Variants in CENPQ observed in about 807,000 individuals in gnomAD.
CENPQ encodes centromere protein Q.
Under a neutral mutation model 36.6 loss-of-function variants are expected in CENPQ, and 27 were observed. That is an observed-to-expected ratio of 0.74 (90% CI 0.54 to 1.02). CENPQ has a LOEUF of 1.02. Ranked by LOEUF, CENPQ falls within the 50% of genes least tolerant of loss-of-function variation. CENPQ has a pLI of 0.00. For missense variants in CENPQ, 306 were observed against 301.8 expected, an observed-to-expected ratio of 1.01 and a Z score of -0.10; for synonymous variants, 101 against 101.7, an observed-to-expected ratio of 0.99 and a Z score of 0.04.
intron 6 of CENPQ, among the ~76,000 whole-genome samples, chr6:49,487,601 T>A (rs887491156): frequency 7.2e-5 from 11 of 152,180 alleles, no homozygotes; most frequent in African/African-American, 2.7e-4. Flanking sequence ...TTATTACTTA[T>A]GTATATTTTC....
chr6:49,467,630 A>G (rs569519649), intron 1 of CENPQ, among the ~76,000 whole-genome samples: 1 of 152,224 alleles, frequency 6.6e-6, no homozygotes, highest in African/African-American at 2.4e-5. Context: ...ATTACCTTCA[A>G]TTTCCACACT....
chr6:49,469,847 G>A (rs1768085067), intron 1 of CENPQ, among the ~76,000 whole-genome samples: 1 of 152,038 alleles, frequency 6.6e-6, no homozygotes, highest in Non-Finnish European at 1.5e-5. Context: ...TCATACGATA[G>A]AGTATAAAAT....
chr6:49,472,025 T>C, intron 3 of CENPQ, 38 bp from the exon 4 acceptor site: 1 of 1,565,366 alleles, frequency 6.4e-7, no homozygotes, highest in Non-Finnish European at 8.6e-7. Context: ...ATGTAAAACA[T>C]CTAGATTGAT....
chr6:49,466,115 C>T (rs1397742201), intron 1 of CENPQ, among the ~76,000 whole-genome samples: 1 of 152,022 alleles, frequency 6.6e-6, no homozygotes, highest in Non-Finnish European at 1.5e-5. Flanking sequence ...AATAGGGAGG[C>T]CTAAGGAGAG....
intron 1 of CENPQ, among the ~76,000 whole-genome samples, chr6:49,466,125 G>T (rs957496016): frequency 9.8e-5 from 15 of 152,322 alleles, no homozygotes; most frequent in Non-Finnish European, 1.8e-4. Context: ...CCTAAGGAGA[G>T]GGAGAGAGGC....
intron 5 of CENPQ, among the ~76,000 whole-genome samples, chr6:49,476,525 T>C (rs1242033749): frequency 6.6e-6 from 1 of 152,236 alleles, no homozygotes; most frequent in African/African-American, 2.4e-5. Context: ...AAGGATTTCA[T>C]GTCCGAAACA....
chr6:49,479,194 T>A (rs144782572), intron 5 of CENPQ, among the ~76,000 whole-genome samples: 2 of 152,124 alleles, frequency 1.3e-5, no homozygotes, highest in African/African-American at 4.8e-5. Context: ...CCTACTTTTT[T>A]CTTTACAAAA....
intron 1 of CENPQ, among the ~76,000 whole-genome samples, chr6:49,465,121 A>T (rs1021657945): frequency 1.3e-5 from 2 of 152,252 alleles, no homozygotes; most frequent in African/African-American, 4.8e-5. Flanking sequence ...GTGTTAGCAG[A>T]CATGAAAACA....
intron 1 of CENPQ, among the ~76,000 whole-genome samples, chr6:49,468,581 TG>T (rs770360002): frequency 2.0e-5 from 3 of 151,852 alleles, no homozygotes; most frequent in Non-Finnish European, 4.4e-5. Context: ...CAAGCGACAG[TG>T]CAAGACTTCT....
intron 6 of CENPQ, among the ~76,000 whole-genome samples, chr6:49,485,250 T>C (rs1768547237): frequency 6.6e-6 from 1 of 152,236 alleles, no homozygotes. Context: ...CCAAAACCTG[T>C]AATAGTAACA....
At chr6:49,473,929 T>G (rs890904398) in intron 5 of CENPQ, among the ~76,000 whole-genome samples, 12 of 152,126 alleles carry the variant, frequency 7.9e-5, no homozygotes, top group African/African-American at 2.9e-4. Context: ...AGAAGACCGT[T>G]AATAATAGTA....
At chr6:49,489,560 T>C (rs1768670269) in intron 8 of CENPQ, among the ~76,000 whole-genome samples, 1 of 152,238 alleles carries the variant, frequency 6.6e-6, no homozygotes, top group African/African-American at 2.4e-5. Flanking sequence ...TCATGAATGC[T>C]CTTACTGACA....
intron 6 of CENPQ, among the ~76,000 whole-genome samples, chr6:49,481,839 T>TGA (rs1768437915): frequency 2.1e-5 from 2 of 93,154 alleles, no homozygotes; most frequent in Admixed American, 9.6e-5. Context: ...TCCTCAGCCC[T>TGA]TGGGTGGTCG....
At chr6:49,474,642 G>T (rs1342599487) in intron 5 of CENPQ, among the ~76,000 whole-genome samples, 2 of 151,994 alleles carry the variant, frequency 1.3e-5, no homozygotes, top group African/African-American at 4.8e-5. Flanking sequence ...CTAGCAGAAG[G>T]CAAGAAATAA....
intron 5 of CENPQ, among the ~76,000 whole-genome samples, chr6:49,475,919 A>C (rs1335005180): frequency 2.6e-5 from 4 of 152,220 alleles, no homozygotes; most frequent in East Asian, 1.9e-4. Context: ...TCAACGAAAT[A>C]AAAGAGGATA....
intron 5 of CENPQ, among the ~76,000 whole-genome samples, chr6:49,473,634 A>G (rs1768199219): frequency 6.6e-6 from 1 of 152,208 alleles, no homozygotes; most frequent in Non-Finnish European, 1.5e-5. Context: ...ATAACCAGCT[A>G]ATATCATAAT....
At chr6:49,470,514 G>A (rs918691403) in intron 2 of CENPQ, among the ~76,000 whole-genome samples, 1 of 151,192 alleles carries the variant, frequency 6.6e-6, no homozygotes, top group Non-Finnish European at 1.5e-5. Context: ...AGCTACTCGG[G>A]AGGAGGTTGA....
rs11335563 is a variant in CENPQ, at chr6:49,493,056, G to GTTTTTTTT, written c.*791_*798dup. ...AACAAACTACAGTATACTGTCTTGGGTTTTTTTTTTTTTTTTTAGTCTGTA... is the reference window on the plus strand; with the variant it reads ...AACAAACTACAGTATACTGTCTTGGGTTTTTTTTTTTTTTTTTTTTTTTTTAGTCTGTA... On this transcript the variant is annotated 3_prime_UTR_variant, in exon 9 of 9. Coordinates refer to ENST00000335783, the MANE Select transcript of CENPQ (RefSeq NM_018132.4). The GTTTTTTTT allele has an allele frequency of 7.0e-6, 1 of 142,082 alleles. No homozygotes were observed. The highest frequency in any genetic ancestry group is 1.5e-5 in the Non-Finnish European group (1 of 65,488). The allele number at this position is 142,082 out of a possible 1,614,324, so 8.8% of individuals were successfully genotyped here. A position where few individuals can be genotyped will look rare whatever the true frequency, so the allele number is the denominator to read the frequency against.
intron 1 of CENPQ, among the ~76,000 whole-genome samples, chr6:49,464,388 G>A (rs1436926050): frequency 2.0e-5 from 3 of 152,168 alleles, no homozygotes; most frequent in African/African-American, 2.4e-5. Flanking sequence ...TGATGTTGAT[G>A]GCTGTTGACC....
Sources: allele counts gnomAD v4.1 joint callset (sites outside exome capture counted in the v4.1 genomes callset), GRCh38; gene constraint gnomAD v4.1.1; transcripts MANE v1.5; gene names NCBI Gene and HGNC (gene_info 2026-07-23, HGNC 2026-07-21).